The following STIL variants were observed in gnomAD, a reference collection of about 807,000 sequenced individuals.
STIL encodes the protein SCL-interrupting locus protein.
A neutral mutation model predicts 110.1 loss-of-function variants in STIL; 55 were observed. That is an observed-to-expected ratio of 0.50 (90% CI 0.40 to 0.63). The LOEUF (loss-of-function observed/expected upper bound fraction) is 0.63. STIL is among the 20% of genes least tolerant of loss of function. The probability of loss-of-function intolerance (pLI) is 0.00; values close to 1 mark genes in which losing one functional copy is unlikely to be tolerated. For missense variants in STIL, 1,358 were observed against 1,530.0 expected (o/e 0.89, Z 1.87); for synonymous variants, 481 against 530.0 (o/e 0.91, Z 1.27).
chr1:47,263,744 G>GTTTTTTTTTTTTTTTTTT (rs60915271), intron 14 of STIL, among the ~76,000 whole-genome samples: 1 of 98,312 alleles, frequency 1.0e-5, no homozygotes, highest in Non-Finnish European at 2.0e-5. Flanking sequence ...TTCATTCCAA[G>GTTTTTTTTTTTTTTTTTT]TTTTTTTTTT....
chr1:47,287,609 T>C lies in STIL; in HGVS notation c.1075A>G (p.Ser359Gly), dbSNP rs1176198820. ...AAAAACTCTGTTTCTGCATTTTGGC[T>C]TTCAGCGCTCAGTTCACAACGGATT... ...NPIRCELSAE[S>G]QNAETEFFSK... Residue 359 changes from serine to glycine, a missense_variant, in exon 10 of 17, where the codon AGC (serine) becomes GGC (glycine). Ser to Gly is a moderately conservative substitution (Grantham distance 56, BLOSUM62 0). Coordinates refer to ENST00000371877, the MANE Select transcript of STIL (RefSeq NM_001048166.1). 6.2e-7 allele frequency: 1 copy of C among 1,613,032 alleles called. No individual in the cohort carries two copies. The highest frequency in any genetic ancestry group is 8.5e-7 in the Non-Finnish European group (1 of 1,179,424).
Position 47,301,758 on chromosome 1 carries a change from A to G in STIL, c.266-10T>C. 6.2e-7 allele frequency: 1 copy of G among 1,612,844 alleles called. No individual in the cohort carries two copies. The highest frequency in any genetic ancestry group is 8.5e-7 in the Non-Finnish European group (1 of 1,179,304). ...GTTACACCTTCTTCATCTGTAGAACAAAAATAACAGCTATTATACAGCATA... is the reference window on the plus strand; with the variant it reads ...GTTACACCTTCTTCATCTGTAGAACGAAAATAACAGCTATTATACAGCATA... On this transcript the variant is annotated splice_polypyrimidine_tract_variant and intron_variant, in intron 4 of 16. Coordinates refer to ENST00000371877, the MANE Select transcript of STIL (RefSeq NM_001048166.1).
intron 1 of STIL, among the ~76,000 whole-genome samples, chr1:47,312,417 C>G (rs1056628629): frequency 6.6e-6 from 1 of 152,032 alleles, no homozygotes; most frequent in Admixed American, 6.5e-5. Flanking sequence ...TTCGTCACTG[C>G]CCTCCAGCCT....
At chr1:47,268,907 C>T (rs1644737022) in intron 14 of STIL, among the ~76,000 whole-genome samples, 2 of 151,998 alleles carry the variant, frequency 1.3e-5, no homozygotes, top group African/African-American at 4.8e-5. Context: ...TCCTGGCTAA[C>T]ATGGTGAAAC....
intron 14 of STIL, among the ~76,000 whole-genome samples, chr1:47,267,806 T>C (rs1644699237): frequency 6.6e-6 from 1 of 151,786 alleles, no homozygotes; most frequent in African/African-American, 2.4e-5. Context: ...ACCTCCCAGG[T>C]TCAGGCAATT....
At chr1:47,263,885 T>C (rs1644559255) in intron 14 of STIL, among the ~76,000 whole-genome samples, 1 of 151,708 alleles carries the variant, frequency 6.6e-6, no homozygotes, top group East Asian at 1.9e-4. Flanking sequence ...CCTGAGTAGC[T>C]GGGATTACAG....
chr1:47,272,326 C>T, intron 12 of STIL, 85 bp from the exon 13 acceptor site: 2 of 1,428,688 alleles, frequency 1.4e-6, no homozygotes, highest in South Asian at 2.4e-5. Flanking sequence ...TACAAAGCGC[C>T]CTAATTATAA....
chr1:47,292,382 T>C (rs898515194), intron 8 of STIL, among the ~76,000 whole-genome samples: 1 of 152,114 alleles, frequency 6.6e-6, no homozygotes, highest in Middle Eastern at 3.2e-3. Context: ...AATTACATAC[T>C]CTTTGGCCTA....
At position 47,275,630 on chromosome 1, in the gene STIL, AT is replaced by A. The variant is rs10700108; in HGVS notation, c.2218-3390del. Among the ~76,000 whole-genome samples the A allele has an allele frequency of 7.4e-3, 1,087 of 146,740 alleles. 5 individuals carry two copies. The highest frequency in any genetic ancestry group is 0.031 in the East Asian group (156 of 5,066). Reference sequence around the variant, plus strand: ...CTCAATAAATAAATAAATAAATAAGATTTTTTTTTTTTAAGACAGGATCTTA... The same window carrying A: ...CTCAATAAATAAATAAATAAATAAGATTTTTTTTTTTAAGACAGGATCTTA... On this transcript the variant is annotated intron_variant, in intron 12 of 16. Transcript: ENST00000371877.
chr1:47,294,732 A>G (rs1445536222), intron 7 of STIL, among the ~76,000 whole-genome samples: 1 of 152,212 alleles, frequency 6.6e-6, no homozygotes. Context: ...AAATATCATT[A>G]ATTACTACTC....
At chr1:47,273,810 T>C (rs1644909732) in intron 12 of STIL, among the ~76,000 whole-genome samples, 1 of 152,172 alleles carries the variant, frequency 6.6e-6, no homozygotes, top group South Asian at 2.1e-4. Flanking sequence ...GGATTAACCT[T>C]ATTAATATAG....
rs1050246451 is a variant in STIL at position 47,250,330 on chromosome 1, C to T, written c.*806G>A. 1.1e-5 allele frequency: 2 copies of T among 175,470 alleles called. No individual in the cohort carries two copies. The highest frequency in any genetic ancestry group is 1.2e-5 in the Non-Finnish European group (1 of 81,386). The allele number at this position is 175,470 out of a possible 1,614,324, so 10.9% of individuals were successfully genotyped here. A position where few individuals can be genotyped will look rare whatever the true frequency, so the allele number is the denominator to read the frequency against. ...CAAAAAGCTGTATCTCGAGTTTAAT[C>T]AACATGCATCCTAATTAAGGGGAAA... On this transcript the variant is annotated 3_prime_UTR_variant, in exon 17 of 17. Coordinates refer to ENST00000371877, the MANE Select transcript of STIL (RefSeq NM_001048166.1).
rs747809307 is a variant in STIL, at chr1:47,251,134, G to A, written c.*2C>T. ...GTATTAAAAGGGCAGGGAGTTAAAA[G>A]GTTAAAATAATTTTGGTAACTGTCT... is the stretch of plus-strand genomic sequence containing the variant. On this transcript the variant is annotated 3_prime_UTR_variant, in exon 17 of 17. Transcript: ENST00000371877. The A allele has an allele frequency of 1.2e-5, 20 of 1,613,434 alleles. No homozygotes were observed. The South Asian group carries it at 1.6e-4, about 13-fold the overall frequency.
intron 16 of STIL, among the ~76,000 whole-genome samples, chr1:47,253,215 T>G (rs972115136): frequency 6.6e-6 from 1 of 152,234 alleles, no homozygotes; most frequent in Admixed American, 6.5e-5. Flanking sequence ...CAGGGAGGTA[T>G]TCTCTATGGA....
In STIL at chr1:47,255,681, AG is replaced by A. The variant is rs544289376; in HGVS notation, c.3081-3760del. ...CAGGAAGCAAGGTAAAGAAGCAACTAGAGAGACTACTTGAGACAGGTTTTGA... is the reference window on the plus strand; with the variant it reads ...CAGGAAGCAAGGTAAAGAAGCAACTAAGAGACTACTTGAGACAGGTTTTGA... On this transcript the variant is annotated intron_variant, in intron 16 of 16. Transcript: ENST00000371877. Among the ~76,000 whole-genome samples, 548 of 152,358 alleles carry A rather than the reference AG, an allele frequency of 3.6e-3. 5 individuals carry two copies. Among genetic ancestry groups the A allele is most frequent in the African/African-American group, 0.012 (511 of 41,594 alleles).
Position 47,288,927 on chromosome 1 carries a change from T to C in STIL, c.1023+508A>G, listed in dbSNP as rs139557589. On this transcript the variant is annotated intron_variant, in intron 9 of 16. Transcript: ENST00000371877. ...AAAAAAAAAAAATAGCCAGGTGTGA[T>C]GGTGGGCTCCTGTAATCCCAGCTAT... is the stretch of plus-strand genomic sequence containing the variant. 3.7e-3 allele frequency among the ~76,000 whole-genome samples: 542 copies of C among 147,026 alleles called. 8 individuals carry two copies. Among genetic ancestry groups the C allele is most frequent in the East Asian group, 0.032 (159 of 5,000 alleles).
intron 3 of STIL, among the ~76,000 whole-genome samples, chr1:47,304,653 T>A (rs1645899842): frequency 6.6e-6 from 1 of 152,172 alleles, no homozygotes; most frequent in Non-Finnish European, 1.5e-5. Flanking sequence ...ATATTTCACC[T>A]CTTTTGAATT....
chr1:47,257,804 T>G (rs1175919835), intron 16 of STIL, among the ~76,000 whole-genome samples: 1 of 152,224 alleles, frequency 6.6e-6, no homozygotes, highest in African/African-American at 2.4e-5. Flanking sequence ...CACTGAACTG[T>G]AAACTCTATG....
chr1:47,250,891 G>C lies in STIL; in HGVS notation c.*245C>G, dbSNP rs1569968293. ...TAGTATCTGTCTACTACTTAAACTTGTAGGAATAACTGATCTCAGGGCTTT... is the reference window on the plus strand; with the variant it reads ...TAGTATCTGTCTACTACTTAAACTTCTAGGAATAACTGATCTCAGGGCTTT... On this transcript the variant is annotated 3_prime_UTR_variant, in exon 17 of 17. Coordinates refer to ENST00000371877, the MANE Select transcript of STIL (RefSeq NM_001048166.1). 2.1e-6 allele frequency: 1 copy of C among 483,136 alleles called. No homozygotes were observed. The highest frequency in any genetic ancestry group is 3.5e-5 in the East Asian group (1 of 28,544). The allele number at this position is 483,136 out of a possible 1,614,324, so 29.9% of individuals were successfully genotyped here.
Sources: allele counts gnomAD v4.1 joint callset (sites outside exome capture counted in the v4.1 genomes callset), GRCh38; gene constraint gnomAD v4.1.1; transcripts MANE v1.5; gene names NCBI Gene and HGNC (gene_info 2026-07-23, HGNC 2026-07-21).